Variants in NEO1 observed in about 807,000 individuals in gnomAD.
NEO1 encodes the protein neogenin 1, also known as neogenin.
In NEO1, 63 loss-of-function variants were observed where a neutral mutation model predicts 159.7. The observed-to-expected ratio is 0.39, with a 90% CI of 0.32 to 0.49. NEO1 has a LOEUF of 0.49. Among genes scored for constraint, NEO1 ranks in the 20% least tolerant of loss-of-function variants. The pLI is 0.85. For missense variants in NEO1, 1,615 were observed against 1,831.0 expected (o/e 0.88, Z 2.15); for synonymous variants, 633 against 662.0 (o/e 0.96, Z 0.67).
chr15:73,247,508 G>C (rs1038230167), intron 9 of NEO1, among the ~76,000 whole-genome samples: 1 of 152,186 alleles, frequency 6.6e-6, no homozygotes, highest in African/African-American at 2.4e-5. Flanking sequence ...CTGTCAGGCT[G>C]CACAAAATAT....
chr15:73,120,203 TATTG>T (rs990702481), intron 2 of NEO1, among the ~76,000 whole-genome samples: 33 of 151,926 alleles, frequency 2.2e-4, no homozygotes, highest in Non-Finnish European at 4.7e-4. Context: ...ATTTTGGTTT[TATTG>T]ATTAAGATTT....
intron 5 of NEO1, among the ~76,000 whole-genome samples, chr15:73,139,835 G>A (rs1215700251): frequency 2.0e-5 from 3 of 152,190 alleles, no homozygotes; most frequent in Non-Finnish European, 2.9e-5. Context: ...CCACTACACA[G>A]GAGTTGAGTA....
intron 23 of NEO1, among the ~76,000 whole-genome samples, chr15:73,284,310 C>T (rs1171331464): frequency 6.6e-6 from 1 of 152,140 alleles, no homozygotes; most frequent in African/African-American, 2.4e-5. Context: ...TGTGATTATC[C>T]ATGCAGACTT....
intron 5 of NEO1, among the ~76,000 whole-genome samples, chr15:73,171,187 A>G (rs955833077): frequency 1.3e-5 from 2 of 152,156 alleles, no homozygotes; most frequent in Non-Finnish European, 2.9e-5. Context: ...AGGAGTCTGT[A>G]GATGGAAAAA....
At chr15:73,150,368 TC>T (rs1428479989) in intron 5 of NEO1, among the ~76,000 whole-genome samples, 1 of 152,202 alleles carries the variant, frequency 6.6e-6, no homozygotes, top group Non-Finnish European at 1.5e-5. Context: ...GAATACTTTT[TC>T]CTAAGGAAAA....
At chr15:73,246,901 G>A (rs2039823215) in intron 9 of NEO1, among the ~76,000 whole-genome samples, 1 of 152,190 alleles carries the variant, frequency 6.6e-6, no homozygotes, top group Non-Finnish European at 1.5e-5. Context: ...TGGATTTATT[G>A]AGTGCCCACC....
Position 73,061,540 on chromosome 15 carries a change from G to C in NEO1, c.130+8735G>C, listed in dbSNP as rs547683262. Among the ~76,000 whole-genome samples, 3 of 152,278 alleles carry C rather than the reference G, an allele frequency of 2.0e-5. No homozygotes were observed. In the East Asian group the frequency reaches 5.8e-4, roughly 29 times the overall value. ...GCAGGGTATGGTTCCTACCCCTCTG[G>C]CCATGACATTTATCTTTATTAACAG... On this transcript the variant is annotated intron_variant, in intron 1 of 28. Coordinates refer to ENST00000261908, the MANE Select transcript of NEO1 (RefSeq NM_002499.4).
At chr15:73,204,196 A>G (rs1182201535) in intron 7 of NEO1, among the ~76,000 whole-genome samples, 5 of 151,616 alleles carry the variant, frequency 3.3e-5, no homozygotes, top group Admixed American at 2.0e-4. Flanking sequence ...AATTCTTATC[A>G]TTATTCCTCT....
intron 1 of NEO1, among the ~76,000 whole-genome samples, chr15:73,088,110 T>C: frequency 6.6e-6 from 1 of 152,164 alleles, no homozygotes; most frequent in Non-Finnish European, 1.5e-5. Flanking sequence ...TGTTTATATC[T>C]TCAGATATGT....
intron 21 of NEO1, among the ~76,000 whole-genome samples, chr15:73,275,735 T>G (rs1249833248): frequency 1.3e-5 from 2 of 152,210 alleles, no homozygotes; most frequent in African/African-American, 4.8e-5. Flanking sequence ...GTCACCATTC[T>G]TGAAACCATC....
chr15:73,054,077 G>A (rs1177698549), intron 1 of NEO1, among the ~76,000 whole-genome samples: 1 of 152,164 alleles, frequency 6.6e-6, no homozygotes, highest in Non-Finnish European at 1.5e-5. Flanking sequence ...CATCACTTAT[G>A]TCATGATGTA....
chr15:73,166,886 C>G (rs938204465), intron 5 of NEO1, among the ~76,000 whole-genome samples: 4 of 151,912 alleles, frequency 2.6e-5, no homozygotes, highest in Admixed American at 2.6e-4. Flanking sequence ...ATGTGTCCAT[C>G]AATGATAGAC....
intron 7 of NEO1, among the ~76,000 whole-genome samples, chr15:73,188,800 A>G: frequency 6.6e-6 from 1 of 152,224 alleles, no homozygotes. Flanking sequence ...ATGTTCATTT[A>G]AAAATACAAA....
At chr15:73,133,588 A>G (rs963434437) in intron 4 of NEO1, among the ~76,000 whole-genome samples, 1 of 152,222 alleles carries the variant, frequency 6.6e-6, no homozygotes, top group Non-Finnish European at 1.5e-5. Context: ...TCAAAAAATA[A>G]AAGTTCTCCT....
chr15:73,252,312 C>A (rs1177935607), intron 11 of NEO1, among the ~76,000 whole-genome samples: 1 of 152,180 alleles, frequency 6.6e-6, no homozygotes, highest in Non-Finnish European at 1.5e-5. Flanking sequence ...GTTTACTTTG[C>A]TTGCTCTCAC....
chr15:73,097,776 C>CTTTTTTTTTTT (rs34165169), intron 1 of NEO1, among the ~76,000 whole-genome samples: 4 of 75,542 alleles, frequency 5.3e-5, no homozygotes, highest in African/African-American at 8.4e-5. Flanking sequence ...TGGAACTAGC[C>CTTTTTTTTTTT]TTTTTTTTTT....
chr15:73,118,440 C>T (rs1379347847), intron 2 of NEO1, among the ~76,000 whole-genome samples: 1 of 146,666 alleles, frequency 6.8e-6, no homozygotes, highest in African/African-American at 2.5e-5. Flanking sequence ...TCTGTCCCCA[C>T]CCCCGTCCCC....
rs865810263 is a variant in NEO1, at chr15:73,052,695, C to T, written c.20C>T (p.Ala7Val). MAAERG[A>V]RRLLSTPSFW... The stretch of plus-strand genomic sequence containing the variant: ...GAAGAGATGGCGGCGGAGCGGGGAG[C>T]CCGGCGACTCCTCAGCACCCCCTCC... Residue 7 changes from alanine to valine, a missense_variant, in exon 1 of 29, where the codon GCC (alanine) becomes GTC (valine). By Grantham distance (64) the Ala-to-Val change is moderately conservative. This residue lies in a region of NEO1 where 1,018 missense variants were observed against 1,115.4 expected (regional missense o/e 0.91). Coordinates refer to ENST00000261908, the MANE Select transcript of NEO1 (RefSeq NM_002499.4). The T allele has an allele frequency of 1.5e-6, 2 of 1,357,826 alleles. No homozygotes were observed. The highest frequency in any genetic ancestry group is 1.5e-5 in the African/African-American group (1 of 65,600). The allele number at this position is 1,357,826 out of a possible 1,614,324, so 84.1% of individuals were successfully genotyped here.
intron 7 of NEO1, among the ~76,000 whole-genome samples, chr15:73,232,978 T>C (rs77980253): frequency 0.021 from 3,186 of 152,306 alleles, 119 homozygotes; most frequent in African/African-American, 0.073. Flanking sequence ...CAGCTTGTTA[T>C]ATGTCTTTGG....
Sources: allele counts gnomAD v4.1 joint callset (sites outside exome capture counted in the v4.1 genomes callset), GRCh38; gene constraint gnomAD v4.1.1; regional missense constraint gnomAD v4.1.1; transcripts MANE v1.5; gene names NCBI Gene and HGNC (gene_info 2026-07-23, HGNC 2026-07-21).